Variants in SPTLC2 observed in about 807,000 individuals in gnomAD.
SPTLC2 encodes serine palmitoyltransferase 2.
In SPTLC2, 21 loss-of-function variants were observed where a neutral mutation model predicts 62.0. That is an observed-to-expected ratio of 0.34 (90% CI 0.24 to 0.49). SPTLC2 has a LOEUF of 0.49. Ranked by LOEUF, SPTLC2 falls within the 20% of genes least tolerant of loss-of-function variation. SPTLC2 has a pLI of 0.99. For synonymous variants in SPTLC2, 261 were observed against 261.8 expected, an observed-to-expected ratio of 1.00 and a Z score of 0.03; for missense variants, 511 against 713.0, an observed-to-expected ratio of 0.72 and a Z score of 3.23.
At chr14:77,614,072 A>G (rs901515331) in intron 1 of SPTLC2, among the ~76,000 whole-genome samples, 3 of 152,208 alleles carry the variant, frequency 2.0e-5, no homozygotes, top group African/African-American at 7.2e-5. Context: ...CGTTCTTCCA[A>G]ATGCCACCAA....
chr14:77,552,304 A>C (rs1229636908), intron 8 of SPTLC2, 82 bp from the exon 9 acceptor site: 2 of 1,531,790 alleles, frequency 1.3e-6, no homozygotes, highest in African/African-American at 2.7e-5. Flanking sequence ...TAAGTTCTAG[A>C]GGACTCCTCA....
At chr14:77,601,889 G>A (rs549800904) in intron 1 of SPTLC2, among the ~76,000 whole-genome samples, 22 of 152,222 alleles carry the variant, frequency 1.4e-4, no homozygotes, top group African/African-American at 3.1e-4. Flanking sequence ...CCAAAACTCC[G>A]GTGCCGGTCA....
At chr14:77,512,717 C>G (rs1016583719) in intron 11 of SPTLC2, among the ~76,000 whole-genome samples, 1 of 152,166 alleles carries the variant, frequency 6.6e-6, no homozygotes, top group Non-Finnish European at 1.5e-5. Flanking sequence ...AATTTGTCAT[C>G]TCTCCCTTTT....
chr14:77,522,454 C>T (rs2079389403), intron 9 of SPTLC2, among the ~76,000 whole-genome samples: 1 of 152,178 alleles, frequency 6.6e-6, no homozygotes, highest in South Asian at 2.1e-4. Flanking sequence ...TGAGCCACCG[C>T]GCCTAGCCTG....
intron 2 of SPTLC2, among the ~76,000 whole-genome samples, chr14:77,593,081 C>T (rs962689895): frequency 2.7e-5 from 4 of 147,546 alleles, no homozygotes; most frequent in African/African-American, 1.0e-4. Context: ...CCAGCCTGGG[C>T]GACAGAGTGA....
chr14:77,583,833 C>G (rs890636883), intron 2 of SPTLC2, among the ~76,000 whole-genome samples: 1 of 152,046 alleles, frequency 6.6e-6, no homozygotes, highest in Admixed American at 6.6e-5. Flanking sequence ...AGAGAAGGAG[C>G]GAATACCTAA....
At chr14:77,534,281 T>C (rs2079457558) in intron 9 of SPTLC2, among the ~76,000 whole-genome samples, 1 of 151,664 alleles carries the variant, frequency 6.6e-6, no homozygotes, top group Non-Finnish European at 1.5e-5. Flanking sequence ...TCATATTATT[T>C]ACTCCATATA....
In SPTLC2 at chr14:77,511,523, G is replaced by GTT. The variant is rs914894160; in HGVS notation, c.*760_*761insAA. The GTT allele has an allele frequency of 6.5e-6, 1 of 153,162 alleles. No individual in the cohort carries two copies. Among genetic ancestry groups the GTT allele is most frequent in the South Asian group, 2.1e-4 (1 of 4,856 alleles). The allele number at this position is 153,162 out of a possible 1,614,324, so 9.5% of individuals were successfully genotyped here. ...GTGGGATATGGGTGCTCTGAAAACA[G>GTT]TAAGTGCTTTAAAAAGGGGGTGGGA... On this transcript the variant is annotated 3_prime_UTR_variant, in exon 12 of 12. Coordinates refer to ENST00000216484, the MANE Select transcript of SPTLC2 (RefSeq NM_004863.4).
At chr14:77,514,993 G>T (rs1221296985) in intron 11 of SPTLC2, among the ~76,000 whole-genome samples, 1 of 152,192 alleles carries the variant, frequency 6.6e-6, no homozygotes, top group Non-Finnish European at 1.5e-5. Flanking sequence ...GCATCCAGCT[G>T]ACCTAGTACT....
chr14:77,515,505 T>G (rs932926443), intron 11 of SPTLC2, among the ~76,000 whole-genome samples: 3 of 151,714 alleles, frequency 2.0e-5, no homozygotes, highest in African/African-American at 7.3e-5. Context: ...AAAAATACAG[T>G]GTACAAGTGT....
chr14:77,512,518 G>A (rs1447390623), intron 11 of SPTLC2, 115 bp from the exon 12 acceptor site: 2 of 1,484,104 alleles, frequency 1.3e-6, no homozygotes, highest in Non-Finnish European at 1.9e-6. Context: ...CAGGACTTAT[G>A]TCTAGTGCAT....
chr14:77,562,429 A>T lies in SPTLC2; in HGVS notation c.817T>A (p.Ser273Thr). The change falls in exon 6 of 12, where the codon TCA (serine) becomes ACA (threonine). Residue 273 changes from serine (S) to threonine (T), a missense_variant. Coordinates refer to ENST00000216484, the MANE Select transcript of SPTLC2 (RefSeq NM_004863.4). ...TTGAAGATTCTAATGGTTGCTCCTGACAGTCTGGCTCCCAGAACCAGTGAT... is the reference window on the plus strand; with the variant it reads ...TTGAAGATTCTAATGGTTGCTCCTGTCAGTCTGGCTCCCAGAACCAGTGAT... ...HASLVLGARL[S>T]GATIRIFKHN... 6.2e-7 allele frequency: 1 copy of T among 1,614,158 alleles called. No homozygotes were observed. The highest frequency in any genetic ancestry group is 8.5e-7 in the Non-Finnish European group (1 of 1,180,014).
In SPTLC2 at chr14:77,507,836, A is replaced by G. The variant is rs1025717325; in HGVS notation, c.*4448T>C. 6.6e-6 allele frequency: 1 copy of G among 152,202 alleles called. No individual in the cohort carries two copies. Among genetic ancestry groups the G allele is most frequent in the Non-Finnish European group, 1.5e-5 (1 of 68,036 alleles). 9.4% of individuals were successfully genotyped at this position (152,202 alleles called of 1,614,324 possible). On this transcript the variant is annotated 3_prime_UTR_variant, in exon 12 of 12. Coordinates refer to ENST00000216484, the MANE Select transcript of SPTLC2 (RefSeq NM_004863.4). ...TTCTTGGCTTAGTAGCCAAAAAATA[A>G]TCTTTGCTTTTTATACCTCCCCATT... is the stretch of plus-strand genomic sequence containing the variant.
intron 10 of SPTLC2, among the ~76,000 whole-genome samples, chr14:77,519,921 ATT>A (rs1192633905): frequency 2.6e-5 from 4 of 151,134 alleles, no homozygotes; most frequent in Admixed American, 1.3e-4. Context: ...GCACAAATTT[ATT>A]TTTTCTCAAC....
chr14:77,587,008 G>A (rs572257924), intron 2 of SPTLC2, among the ~76,000 whole-genome samples: 2 of 151,934 alleles, frequency 1.3e-5, no homozygotes, highest in South Asian at 2.1e-4. Context: ...GGCAGATCAC[G>A]AGGTCAGGAG....
intron 2 of SPTLC2, among the ~76,000 whole-genome samples, chr14:77,594,269 T>A (rs1176992325): frequency 1.3e-5 from 2 of 152,234 alleles, no homozygotes; most frequent in Non-Finnish European, 2.9e-5. Flanking sequence ...AAGAATAAAA[T>A]CTGTGTGTTC....
intron 11 of SPTLC2, among the ~76,000 whole-genome samples, chr14:77,517,619 A>C (rs372987188): frequency 6.6e-6 from 1 of 152,228 alleles, no homozygotes; most frequent in East Asian, 1.9e-4. Context: ...ATTCCAAGGG[A>C]ACACAGAGCA....
intron 2 of SPTLC2, among the ~76,000 whole-genome samples, chr14:77,587,895 A>G (rs1378898538): frequency 6.6e-6 from 1 of 151,556 alleles, no homozygotes; most frequent in African/African-American, 2.4e-5. Flanking sequence ...AAAAAAATCT[A>G]TAACGTTTTG....
At chr14:77,554,334 G>A (rs958959894) in intron 8 of SPTLC2, among the ~76,000 whole-genome samples, 4 of 152,190 alleles carry the variant, frequency 2.6e-5, no homozygotes, top group African/African-American at 9.7e-5. Context: ...TATATCCAGA[G>A]TTGTGCCACT....
Sources: gnomAD v4.1 joint callset for allele counts (sites outside exome capture counted in the v4.1 genomes callset) on GRCh38, gnomAD v4.1.1 for gene constraint, MANE v1.5 for transcripts, NCBI Gene and HGNC (gene_info 2026-07-23, HGNC 2026-07-21) for gene names.